The following PRDM6 variants were observed in gnomAD, a reference collection of about 807,000 sequenced individuals.
The protein encoded by PRDM6 is putative histone-lysine N-methyltransferase PRDM6.
Under a neutral mutation model 60.8 loss-of-function variants are expected in PRDM6, and 25 were observed. That is an observed-to-expected ratio of 0.41 (90% CI 0.30 to 0.57). PRDM6 has a LOEUF of 0.57. Ranked by LOEUF, PRDM6 falls within the 20% of genes least tolerant of loss-of-function variation. The probability of loss-of-function intolerance (pLI) is 0.27; values close to 1 mark genes in which losing one functional copy is unlikely to be tolerated. For missense variants in PRDM6, 839 were observed against 821.3 expected, an observed-to-expected ratio of 1.02 and a Z score of -0.26; for synonymous variants, 407 against 357.4, an observed-to-expected ratio of 1.14 and a Z score of -1.57.
intron 3 of PRDM6, among the ~76,000 whole-genome samples, chr5:123,153,800 A>G (rs971885465): frequency 2.0e-5 from 3 of 152,186 alleles, no homozygotes; most frequent in African/African-American, 4.8e-5. Context: ...CCAACGGTTA[A>G]GACAGCCCCC....
intron 3 of PRDM6, among the ~76,000 whole-genome samples, chr5:123,117,140 A>T (rs902627146): frequency 1.3e-5 from 2 of 152,140 alleles, no homozygotes; most frequent in South Asian, 2.1e-4. Context: ...AAGCTTTCTA[A>T]TGACTTTTCC....
intron 3 of PRDM6, 39 bp from the exon 4 acceptor site, chr5:123,155,845 A>G (rs771453106): frequency 8.4e-6 from 13 of 1,539,894 alleles, no homozygotes; most frequent in Middle Eastern, 1.7e-4. Context: ...ATTGCTGATG[A>G]TTCGTTCTAA....
chr5:123,187,023 G>C (rs1766303085), intron 7 of PRDM6, 64 bp from the exon 8 acceptor site: 1 of 1,187,650 alleles, frequency 8.4e-7, no homozygotes, highest in Non-Finnish European at 1.2e-6. Flanking sequence ...GGCAGGATGA[G>C]AGGAAGCCCA....
intron 5 of PRDM6, among the ~76,000 whole-genome samples, chr5:123,161,714 G>A (rs570299088): frequency 6.6e-6 from 1 of 152,370 alleles, no homozygotes; most frequent in South Asian, 2.1e-4. Context: ...GTGCGTGCTA[G>A]GGCAGGGAAG....
chr5:123,104,839 G>T (rs1207743949), intron 3 of PRDM6, among the ~76,000 whole-genome samples: 2 of 152,138 alleles, frequency 1.3e-5, no homozygotes, highest in Non-Finnish European at 2.9e-5. Flanking sequence ...CTCTTGGAAT[G>T]GTTTCCAGCA....
Position 123,188,371 on chromosome 5 carries a change from A to T in PRDM6, c.*1170A>T, listed in dbSNP as rs1766335493. ...CTTTGTCTTTTCTTGAGATTGATTA[A>T]TTGAAAGAGAAGGAATTCTCCACAC... is the stretch of plus-strand genomic sequence containing the variant. On this transcript the variant is annotated 3_prime_UTR_variant, in exon 8 of 8. Transcript: ENST00000407847. 6.6e-6 allele frequency: 1 copy of T among 152,224 alleles called. No individual in the cohort carries two copies. Among genetic ancestry groups the T allele is most frequent in the South Asian group, 2.1e-4 (1 of 4,826 alleles). The allele number at this position is 152,224 out of a possible 1,614,324, so 9.4% of individuals were successfully genotyped here.
At chr5:123,148,644 A>G (rs1198601469) in intron 3 of PRDM6, among the ~76,000 whole-genome samples, 2 of 152,136 alleles carry the variant, frequency 1.3e-5, no homozygotes, top group Non-Finnish European at 2.9e-5. Flanking sequence ...CGATAAGCAG[A>G]AATGGGGATT....
At chr5:123,104,805 A>G (rs574739802) in intron 3 of PRDM6, among the ~76,000 whole-genome samples, 27 of 152,346 alleles carry the variant, frequency 1.8e-4, no homozygotes, top group African/African-American at 6.5e-4. Flanking sequence ...GTAGTTTTAC[A>G]TAAACTGTAA....
chr5:123,123,449 G>T (rs576517533), intron 3 of PRDM6, among the ~76,000 whole-genome samples: 1 of 152,058 alleles, frequency 6.6e-6, no homozygotes, highest in African/African-American at 2.4e-5. Context: ...TCATGTAGTC[G>T]GTTACTTTTA....
At chr5:123,156,144 T>TG in intron 4 of PRDM6, 133 bp downstream of exon 4, 1 of 830,646 alleles carries the variant, frequency 1.2e-6, no homozygotes, top group South Asian at 1.9e-5. Context: ...TTTTTTTTTT[T>TG]GCTAGGTTTC....
rs561846777 is a variant in PRDM6 at position 123,143,061 on chromosome 5, A to AACTCAGTC, written c.901-12820_901-12813dup. On this transcript the variant is annotated intron_variant, in intron 3 of 7. Transcript: ENST00000407847. Reference sequence around the variant, plus strand: ...GTACATTAAACATCCCAAGGACTCTAACTCAGTCACGGATGTTCTCATTTC... The same window carrying AACTCAGTC: ...GTACATTAAACATCCCAAGGACTCTAACTCAGTCACTCAGTCACGGATGTTCTCATTTC... Among the ~76,000 whole-genome samples, 272 of 152,098 alleles carry AACTCAGTC rather than the reference A, an allele frequency of 1.8e-3. 2 individuals carry two copies. The highest frequency in any genetic ancestry group is 6.4e-3 in the African/African-American group (267 of 41,510).
chr5:123,191,957 A>G lies in PRDM6; in HGVS notation c.*4756A>G, dbSNP rs1166317093. 1 of 152,232 alleles carries G rather than the reference A, an allele frequency of 6.6e-6. No homozygotes were observed. The highest frequency in any genetic ancestry group is 1.5e-5 in the Non-Finnish European group (1 of 68,042). 9.4% of individuals were successfully genotyped at this position (152,232 alleles called of 1,614,324 possible). ...ATATTTATTTAGTTTCTTCCTTTAA[A>G]TAATAAATGCCAGATGTTTCATCAG... is the stretch of plus-strand genomic sequence containing the variant. On this transcript the variant is annotated 3_prime_UTR_variant, in exon 8 of 8. Coordinates refer to ENST00000407847, the MANE Select transcript of PRDM6 (RefSeq NM_001136239.4).
chr5:123,130,279 TC>T (rs1764801938), intron 3 of PRDM6, among the ~76,000 whole-genome samples: 2 of 65,186 alleles, frequency 3.1e-5, no homozygotes, highest in African/African-American at 5.9e-5. Flanking sequence ...TCCTTTCCTC[TC>T]CCCTTCCCTT....
intron 3 of PRDM6, among the ~76,000 whole-genome samples, chr5:123,112,111 G>C (rs1423584445): frequency 6.6e-6 from 1 of 151,822 alleles, no homozygotes; most frequent in Non-Finnish European, 1.5e-5. Flanking sequence ...AAAACACTGC[G>C]TGTAAACTGC....
intron 3 of PRDM6, among the ~76,000 whole-genome samples, chr5:123,153,217 A>T (rs1379786602): frequency 1.4e-5 from 2 of 144,336 alleles, no homozygotes; most frequent in Non-Finnish European, 1.5e-5. Context: ...AAAAAAAAAA[A>T]GGGCTAGGTT....
At chr5:123,134,485 T>G (rs1764906534) in intron 3 of PRDM6, among the ~76,000 whole-genome samples, 1 of 152,252 alleles carries the variant, frequency 6.6e-6, no homozygotes, top group East Asian at 1.9e-4. Context: ...TGAATTGATA[T>G]AAGAAGATAG....
intron 3 of PRDM6, among the ~76,000 whole-genome samples, chr5:123,112,133 A>G (rs995427664): frequency 2.6e-5 from 4 of 152,202 alleles, no homozygotes; most frequent in South Asian, 2.1e-4. Flanking sequence ...GTGTGTAATT[A>G]GCTCCTAAGT....
rs116722447 is a variant in PRDM6 at position 123,133,322 on chromosome 5, A to G, written c.901-22562A>G. On this transcript the variant is annotated intron_variant, in intron 3 of 7. Transcript: ENST00000407847. ...CTATGCAAACACGTATGTTTTTCCT[A>G]CAACTGAAAGAAATAACTACCTTTG... 1.7e-3 allele frequency among the ~76,000 whole-genome samples: 265 copies of G among 152,210 alleles called. 1 individual carries two copies. Among genetic ancestry groups the G allele is most frequent in the African/African-American group, 6.2e-3 (257 of 41,574 alleles).
chr5:123,151,247 C>G (rs76536408), intron 3 of PRDM6, among the ~76,000 whole-genome samples: 1 of 152,090 alleles, frequency 6.6e-6, no homozygotes, highest in African/African-American at 2.4e-5. Context: ...TGGGAGAGGG[C>G]GTCTGAAATG....
Sources: gnomAD v4.1 joint callset for allele counts (sites outside exome capture counted in the v4.1 genomes callset) on GRCh38, gnomAD v4.1.1 for gene constraint, MANE v1.5 for transcripts, NCBI Gene and HGNC (gene_info 2026-07-23, HGNC 2026-07-21) for gene names.